VLDLR: variants seen among roughly 807,000 people sequenced by gnomAD.
VLDLR encodes the protein very low-density lipoprotein receptor.
VLDLR carries 81 observed loss-of-function variants against 112.7 expected under a neutral mutation model. That is an observed-to-expected ratio of 0.72 (90% confidence interval 0.60 to 0.86). The LOEUF is 0.86. VLDLR is among the 40% of genes least tolerant of loss of function. VLDLR has a pLI of 0.00. For missense variants in VLDLR, 1,237 were observed against 1,099.4 expected (o/e 1.13, Z -1.77); for synonymous variants, 436 against 384.8 (o/e 1.13, Z -1.56).
intron 12 of VLDLR, 109 bp from the exon 13 acceptor site, chr9:2,648,099 C>T: frequency 6.7e-7 from 1 of 1,490,538 alleles, no homozygotes. Context: ...GTTAAGAAAC[C>T]CTGCTGGGGA....
At chr9:2,634,311 C>T (rs1817504225) in intron 1 of VLDLR, among the ~76,000 whole-genome samples, 1 of 152,172 alleles carries the variant, frequency 6.6e-6, no homozygotes, top group African/African-American at 2.4e-5. Flanking sequence ...CTTATGCCAG[C>T]ATGCCACAGC....
chr9:2,639,908 T>C lies in VLDLR; in HGVS notation c.252T>C (p.Cys84=), dbSNP rs1383705408. The change falls in exon 3 of 19, where the codon TGT becomes TGC. Residue 84 remains cysteine, a synonymous_variant. Transcript: ENST00000382100. ...ACTTCGTGTGCAACAATGGCCAGTG[T>C]GTTCCCAGCCGATGGAAGTGTGATG... The part of the protein sequence containing the change: ...ESDFVCNNGQ[C]VPSRWKCDGD... The C allele has an allele frequency of 1.2e-6, 2 of 1,614,052 alleles. No individual in the cohort carries two copies. Among genetic ancestry groups the C allele is most frequent in the African/African-American group, 1.3e-5 (1 of 74,914 alleles).
intron 1 of VLDLR, 35 bp downstream of exon 1, chr9:2,622,306 G>C (rs1563740944): frequency 2.8e-6 from 4 of 1,438,082 alleles, no homozygotes; most frequent in African/African-American, 1.5e-5. Context: ...CGGCGGGCGG[G>C]ACCCAGCCGG....
Position 2,643,693 on chromosome 9 carries a change from C to G in VLDLR, c.886C>G (p.Gln296Glu), listed in dbSNP as rs1293122242. ...EDGSCIHGSR[Q>E]CNGIRDCVDG... ...TGGCAGCTGCATCCATGGCAGCAGG[C>G]AGTGTAATGGTATCCGAGACTGTGT... is the stretch of plus-strand genomic sequence containing the variant. Residue 296 changes from glutamine (Q) to glutamate (E), a missense_variant, in exon 6 of 19, where the codon CAG becomes GAG. Gln to Glu is a conservative substitution (Grantham distance 29, BLOSUM62 2). Coordinates refer to ENST00000382100, the MANE Select transcript of VLDLR (RefSeq NM_003383.5). The G allele has an allele frequency of 1.9e-6, 3 of 1,614,170 alleles. No individual in the cohort carries two copies. Among genetic ancestry groups the G allele is most frequent in the Non-Finnish European group, 2.5e-6 (3 of 1,180,032 alleles).
At chr9:2,623,773 C>T (rs759237743) in intron 1 of VLDLR, among the ~76,000 whole-genome samples, 1 of 152,156 alleles carries the variant, frequency 6.6e-6, no homozygotes, top group Admixed American at 6.5e-5. Flanking sequence ...TCTCAAATGC[C>T]TTCCCCTGCC....
At chr9:2,649,398 T>C (rs1818217686) in intron 14 of VLDLR, among the ~76,000 whole-genome samples, 1 of 151,926 alleles carries the variant, frequency 6.6e-6, no homozygotes, top group African/African-American at 2.4e-5. Context: ...TTCTTTCTTT[T>C]TCTGTTTTTT....
Position 2,643,208 on chromosome 9 carries a change from G to C in VLDLR, c.497G>C (p.Cys166Ser). The change falls in exon 5 of 19, where the codon TGC becomes TCC. Residue 166 changes from cysteine to serine, a missense_variant. Cys to Ser is a moderately radical substitution (Grantham distance 112, BLOSUM62 -1). Coordinates refer to ENST00000382100, the MANE Select transcript of VLDLR (RefSeq NM_003383.5). ...PDEFTCSSGR[C>S]ISRNFVCNGQ... ...GAGTTCACCTGCTCCAGTGGCCGCT[G>C]CATCTCCAGGAACTTTGTATGCAAT... 2 of 1,613,934 alleles carry C rather than the reference G, an allele frequency of 1.2e-6. No homozygotes were observed. The highest frequency in any genetic ancestry group is 1.1e-5 in the South Asian group (1 of 91,090).
intron 18 of VLDLR, among the ~76,000 whole-genome samples, 186 bp from the exon 19 acceptor site, chr9:2,653,647 G>C (rs554606299): frequency 1.3e-5 from 2 of 152,272 alleles, no homozygotes; most frequent in South Asian, 2.1e-4. Flanking sequence ...TACCAAGCAG[G>C]TATAGTTGAA....
At chr9:2,622,817 C>G (rs1163256710) in intron 1 of VLDLR, among the ~76,000 whole-genome samples, 1 of 152,074 alleles carries the variant, frequency 6.6e-6, no homozygotes, top group Non-Finnish European at 1.5e-5. Flanking sequence ...CGGTGGGCGG[C>G]GGCCGGGAGG....
At chr9:2,627,082 G>A (rs1388980276) in intron 1 of VLDLR, among the ~76,000 whole-genome samples, 1 of 152,066 alleles carries the variant, frequency 6.6e-6, no homozygotes, top group African/African-American at 2.4e-5. Flanking sequence ...CTTCCTTTGT[G>A]GCACTTAGTC....
rs4741753 is a variant in VLDLR, at chr9:2,657,752, C to G, written c.*3884C>G. On this transcript the variant is annotated 3_prime_UTR_variant, in exon 19 of 19. Transcript: ENST00000382100. ...TGCTGTCGTCTGTTAAGCATCTAAC[C>G]GGAGTGGGAGGGCACATCAAGCGAT... is the stretch of plus-strand genomic sequence containing the variant. 0.32 allele frequency: 47,914 copies of G among 152,040 alleles called. 8,743 individuals carry two copies. Among genetic ancestry groups the G allele is most frequent in the East Asian group, 0.66 (3,389 of 5,168 alleles). 9.4% of individuals were successfully genotyped at this position (152,040 alleles called of 1,614,324 possible).
chr9:2,640,711 A>T (rs2043139256), intron 3 of VLDLR, among the ~76,000 whole-genome samples: 1 of 152,198 alleles, frequency 6.6e-6, no homozygotes, highest in Non-Finnish European at 1.5e-5. Context: ...CTAAAGTGTG[A>T]TTATGAAAGA....
intron 18 of VLDLR, 72 bp downstream of exon 18, chr9:2,653,021 G>A: frequency 6.3e-7 from 1 of 1,590,354 alleles, no homozygotes; most frequent in South Asian, 1.1e-5. Context: ...CTGGGTGAGA[G>A]AGAGAGAGCC....
At chr9:2,639,063 G>A (rs1409380243) in intron 2 of VLDLR, among the ~76,000 whole-genome samples, 1 of 152,238 alleles carries the variant, frequency 6.6e-6, no homozygotes, top group African/African-American at 2.4e-5. Flanking sequence ...AAACACATGT[G>A]TTGTTAGGGG....
At position 2,621,876 on chromosome 9, in the gene VLDLR, C is replaced by A. The variant is rs953543496; in HGVS notation, c.-314C>A. The A allele has an allele frequency of 3.3e-6, 2 of 598,984 alleles. No individual in the cohort carries two copies. The highest frequency in any genetic ancestry group is 7.2e-5 in the East Asian group (2 of 27,920). 37.1% of individuals were successfully genotyped at this position (598,984 alleles called of 1,614,324 possible). The stretch of plus-strand genomic sequence containing the variant: ...TCTTCTGCTCTCGGCTCCCCACCCC[C>A]TCTCCCTTCCCTCCTCTCCCCTTGC... On this transcript the variant is annotated 5_prime_UTR_variant, in exon 1 of 19. Transcript: ENST00000382100.
intron 18 of VLDLR, 76 bp downstream of exon 18, chr9:2,653,025 G>A: frequency 1.3e-6 from 2 of 1,585,962 alleles, no homozygotes; most frequent in Non-Finnish European, 1.7e-6. Context: ...GTGAGAGAGA[G>A]AGAGCCATTA....
chr9:2,644,668 G>A, intron 7 of VLDLR, 66 bp from the exon 8 acceptor site: 2 of 1,608,196 alleles, frequency 1.2e-6, no homozygotes, highest in Non-Finnish European at 1.7e-6. Context: ...AAATAGCCTG[G>A]GTTTTAAATG....
chr9:2,638,801 T>C (rs1817708114), intron 2 of VLDLR, among the ~76,000 whole-genome samples: 1 of 152,210 alleles, frequency 6.6e-6, no homozygotes, highest in African/African-American at 2.4e-5. Context: ...TTCCTCTCCT[T>C]AGGCTATTTT....
rs557105742 is a variant in VLDLR, at chr9:2,621,855, C to A, written c.-335C>A. 10 of 552,426 alleles carry A rather than the reference C, an allele frequency of 1.8e-5. No individual in the cohort carries two copies. In the African/African-American group the frequency reaches 1.9e-4, roughly 10 times the overall value. The allele number at this position is 552,426 out of a possible 1,614,324, so 34.2% of individuals were successfully genotyped here. On this transcript the variant is annotated 5_prime_UTR_variant, in exon 1 of 19. It adds an upstream start codon to the 5' untranslated region. Transcript: ENST00000382100. ...GCTCCTCTCCGTTCTGTGCTCTCTT[C>A]TGCTCTCGGCTCCCCACCCCCTCTC...
Sources: gnomAD v4.1 joint callset for allele counts (sites outside exome capture counted in the v4.1 genomes callset) on GRCh38, gnomAD v4.1.1 for gene constraint, MANE v1.5 for transcripts, NCBI Gene and HGNC (gene_info 2026-07-23, HGNC 2026-07-21) for gene names.